Variants in TBL1XR1 observed in about 807,000 individuals in gnomAD.
TBL1XR1 encodes the protein F-box-like/WD repeat-containing protein TBL1XR1.
A neutral mutation model predicts 66.9 loss-of-function variants in TBL1XR1; 5 were observed. The observed-to-expected ratio is 0.07, with a 90% CI of 0.04 to 0.16. TBL1XR1 has a LOEUF of 0.16. Among genes scored for constraint, TBL1XR1 ranks in the 10% least tolerant of loss-of-function variants. The pLI, the probability that TBL1XR1 is intolerant of heterozygous loss-of-function variation, is 1.00. For missense variants in TBL1XR1, 238 were observed against 623.2 expected, an observed-to-expected ratio of 0.38 and a Z score of 6.58; for synonymous variants, 210 against 206.0, an observed-to-expected ratio of 1.02 and a Z score of -0.17.
intron 1 of TBL1XR1, among the ~76,000 whole-genome samples, chr3:177,170,427 G>C (rs1025042240): frequency 6.6e-6 from 1 of 151,780 alleles, no homozygotes; most frequent in Non-Finnish European, 1.5e-5. Flanking sequence ...AATCTTTCAA[G>C]ATTTGCTCTA....
At chr3:177,179,569 T>C (rs1260375945) in intron 1 of TBL1XR1, among the ~76,000 whole-genome samples, 1 of 152,204 alleles carries the variant, frequency 6.6e-6, no homozygotes, top group East Asian at 1.9e-4. Context: ...CCAAAGTTTC[T>C]CCCAGGAGTG....
chr3:177,025,610 T>A (rs987862291), intron 15 of TBL1XR1, 86 bp from the exon 16 acceptor site: 3 of 1,281,396 alleles, frequency 2.3e-6, no homozygotes, highest in Non-Finnish European at 3.3e-6. Flanking sequence ...CAATTTGAAA[T>A]GTTTCTTAGT....
Position 177,071,031 on chromosome 3 carries a change from GTT to G in TBL1XR1, c.-45-6011_-45-6010del, listed in dbSNP as rs764951521. On this transcript the variant is annotated intron_variant, in intron 2 of 15. Transcript: ENST00000457928. ...TGGAACAGACATGTTCTGAGAATCT[GTT>G]TTTTTTTTTTTTTTTGAGACAGAGT... Among the ~76,000 whole-genome samples, 25 of 104,666 alleles carry G rather than the reference GTT, an allele frequency of 2.4e-4. 1 individual carries two copies. The highest frequency in any genetic ancestry group is 2.6e-4 in the Non-Finnish European group (14 of 54,158). The allele number at this position is 104,666 out of a possible 152,430, so 68.7% of individuals were successfully genotyped here. A position where few individuals can be genotyped will look rare whatever the true frequency, so the allele number is the denominator to read the frequency against.
chr3:177,165,522 A>G (rs1235542105), intron 1 of TBL1XR1, among the ~76,000 whole-genome samples: 1 of 152,210 alleles, frequency 6.6e-6, no homozygotes, highest in African/African-American at 2.4e-5. Context: ...TTTTTGAAGG[A>G]GAGAACAAAG....
chr3:177,027,298 C>G (rs1209850645), intron 14 of TBL1XR1: 1 of 152,194 alleles, frequency 6.6e-6, no homozygotes, highest in Non-Finnish European at 1.5e-5. Flanking sequence ...AGTGCCCAGA[C>G]AGATATGTAC....
intron 1 of TBL1XR1, among the ~76,000 whole-genome samples, chr3:177,183,840 G>A (rs1208092882): frequency 1.3e-5 from 2 of 150,944 alleles, no homozygotes; most frequent in South Asian, 2.2e-4. Context: ...GGTGGCTCAC[G>A]CCTGTAATCC....
chr3:177,133,612 ACT>A (rs1466041340), intron 1 of TBL1XR1, among the ~76,000 whole-genome samples: 3 of 151,998 alleles, frequency 2.0e-5, no homozygotes, highest in Non-Finnish European at 2.9e-5. Flanking sequence ...CAGAAGTAAC[ACT>A]CTATGCACTA....
chr3:177,187,417 G>A (rs1735559065), intron 1 of TBL1XR1, among the ~76,000 whole-genome samples: 1 of 149,490 alleles, frequency 6.7e-6, no homozygotes, highest in Non-Finnish European at 1.5e-5. Context: ...AAGAATCCTA[G>A]GATCTTAATA....
chr3:177,067,327 G>C (rs1358292166), intron 2 of TBL1XR1, among the ~76,000 whole-genome samples: 1 of 152,176 alleles, frequency 6.6e-6, no homozygotes, highest in African/African-American at 2.4e-5. Flanking sequence ...ATCCAACTGA[G>C]ACAGACTGAC....
chr3:177,192,269 C>T (rs1052632068), intron 1 of TBL1XR1, among the ~76,000 whole-genome samples: 5 of 151,658 alleles, frequency 3.3e-5, no homozygotes, highest in African/African-American at 1.2e-4. Flanking sequence ...GCCTATAATC[C>T]CAGCTAGGAG....
At chr3:177,131,906 T>TA (rs71626253) in intron 1 of TBL1XR1, among the ~76,000 whole-genome samples, 3,173 of 144,976 alleles carry the variant, frequency 0.022, 109 homozygotes, top group African/African-American at 0.077. Context: ...AGTGGAAGTT[T>TA]AAAAAAAAAA....
chr3:177,120,196 A>G (rs185054277), intron 1 of TBL1XR1, among the ~76,000 whole-genome samples: 4 of 152,106 alleles, frequency 2.6e-5, no homozygotes, highest in African/African-American at 9.6e-5. Context: ...GCCTTCTTTA[A>G]TTCGGCATTC....
At chr3:177,034,604 C>T (rs1436345711) in intron 12 of TBL1XR1, among the ~76,000 whole-genome samples, 3 of 152,012 alleles carry the variant, frequency 2.0e-5, no homozygotes, top group East Asian at 3.9e-4. Context: ...GATTAGTTAA[C>T]GATCCTAAAA....
intron 2 of TBL1XR1, among the ~76,000 whole-genome samples, chr3:177,085,400 T>C (rs1384570769): frequency 6.6e-6 from 1 of 152,178 alleles, no homozygotes; most frequent in Non-Finnish European, 1.5e-5. Flanking sequence ...CCTATCAATG[T>C]TAATTGCTTG....
chr3:177,047,742 G>T, intron 7 of TBL1XR1, 193 bp from the exon 8 acceptor site: 1 of 574,300 alleles, frequency 1.7e-6, no homozygotes, highest in Non-Finnish European at 3.1e-6. Context: ...CACTAATGTT[G>T]TATGGGGGCC....
intron 1 of TBL1XR1, among the ~76,000 whole-genome samples, chr3:177,152,832 T>G (rs1731053427): frequency 6.6e-6 from 1 of 152,166 alleles, no homozygotes; most frequent in Non-Finnish European, 1.5e-5. Flanking sequence ...CCACACACCT[T>G]TCCTAAAAGC....
chr3:177,046,532 C>A (rs1254096389), intron 9 of TBL1XR1, among the ~76,000 whole-genome samples: 1 of 152,054 alleles, frequency 6.6e-6, no homozygotes, highest in Non-Finnish European at 1.5e-5. Flanking sequence ...GAGAGAAGTT[C>A]TTGGTTAACA....
At chr3:177,146,232 G>A (rs1013527807) in intron 1 of TBL1XR1, among the ~76,000 whole-genome samples, 1 of 152,046 alleles carries the variant, frequency 6.6e-6, no homozygotes, top group Non-Finnish European at 1.5e-5. Flanking sequence ...TTGTACAGCA[G>A]TACATCTTCA....
At chr3:177,038,956 T>C (rs1715194969) in intron 10 of TBL1XR1, among the ~76,000 whole-genome samples, 1 of 152,018 alleles carries the variant, frequency 6.6e-6, no homozygotes, top group Non-Finnish European at 1.5e-5. Flanking sequence ...AATCTGAAAA[T>C]CCAAAATCCA....
Sources: gnomAD v4.1 joint callset for allele counts (sites outside exome capture counted in the v4.1 genomes callset) on GRCh38, gnomAD v4.1.1 for gene constraint, MANE v1.5 for transcripts, NCBI Gene and HGNC (gene_info 2026-07-23, HGNC 2026-07-21) for gene names.